Variants in ADGRB2 observed in about 807,000 individuals in gnomAD.
ADGRB2 encodes the protein brain-specific angiogenesis inhibitor 2.
In ADGRB2, 47 loss-of-function variants were observed where a neutral mutation model predicts 178.7. The observed-to-expected ratio is 0.26, with a 90% CI of 0.21 to 0.34. The LOEUF is 0.34. ADGRB2 is among the 10% of genes least tolerant of loss of function. The pLI, the probability that ADGRB2 is intolerant of heterozygous loss-of-function variation, is 1.00. For missense variants in ADGRB2, 1,584 were observed against 2,180.8 expected (o/e 0.73, Z 5.45); for synonymous variants, 870 against 912.4 (o/e 0.95, Z 0.84).
intron 1 of ADGRB2, chr1:31,760,870 TG>T (rs1327330438): frequency 6.6e-6 from 1 of 152,260 alleles, no homozygotes; most frequent in Non-Finnish European, 1.5e-5. Context: ...AGCTGGGGAC[TG>T]GGCCGAGGGG....
In ADGRB2 at chr1:31,756,743, C is replaced by A; in HGVS notation, c.94G>T (p.Ala32Ser). Residue 32 changes from alanine (A) to serine (S), a missense_variant, in exon 4 of 33, where the codon GCC (alanine) becomes TCC (serine). This residue lies in a region of ADGRB2 where 657 missense variants were observed against 847.6 expected (regional missense o/e 0.78). Coordinates refer to ENST00000373658, the MANE Select transcript of ADGRB2 (RefSeq NM_001364857.2). The surrounding 1 kb of genome is among the most constrained non-coding windows in gnomAD (Gnocchi z 8.5). ...CAGGCACTGGGGGCGGGGTCGAAGGCGGTGGCCAGGCGCAGGGACAGAATC... is the reference window on the plus strand; with the variant it reads ...CAGGCACTGGGGGCGGGGTCGAAGGAGGTGGCCAGGCGCAGGGACAGAATC... ...SVILSLRLATAFDPAPSACSA... is the reference protein window; with the variant it reads ...SVILSLRLATSFDPAPSACSA... The A allele has an allele frequency of 6.4e-7, 1 of 1,568,666 alleles. No homozygotes were observed. The highest frequency in any genetic ancestry group is 8.6e-7 in the Non-Finnish European group (1 of 1,158,208).
Position 31,744,280 on chromosome 1 carries a change from G to C in ADGRB2, c.1000C>G (p.Arg334Gly). ...CCATAGGGGGAGGACACACAGGAGC[G>C]GGTCCGCACCTGCAGACCCTGCCCA... ...TCGQGLQVRT[R>G]SCVSSPYGTL... The change falls in exon 6 of 33, where the codon CGC becomes GGC. Residue 334 changes from arginine to glycine, a missense_variant. Coordinates refer to ENST00000373658, the MANE Select transcript of ADGRB2 (RefSeq NM_001364857.2). This position sits in a 1 kb window ranked among gnomAD's most constrained non-coding sequence, Gnocchi z 6.7. 1.3e-6 allele frequency: 2 copies of C among 1,551,320 alleles called. No homozygotes were observed. Among genetic ancestry groups the C allele is most frequent in the Non-Finnish European group, 8.7e-7 (1 of 1,146,866 alleles).
At position 31,756,729 on chromosome 1, in the gene ADGRB2, G is replaced by T. The variant is rs1431421641; in HGVS notation, c.108C>A (p.Ala36=). The part of the protein sequence containing the change: ...SLRLATAFDP[A]PSACSALASG... ...AGGCCAGGGCAGAGCAGGCACTGGG[G>T]GCGGGGTCGAAGGCGGTGGCCAGGC... The change falls in exon 4 of 33, where the codon GCC becomes GCA. Residue 36 remains alanine (A), a synonymous_variant. Transcript: ENST00000373658. This position sits in a 1 kb window ranked among gnomAD's most constrained non-coding sequence, Gnocchi z 8.5. The T allele has an allele frequency of 6.3e-7, 1 of 1,585,584 alleles. No individual in the cohort carries two copies. Among genetic ancestry groups the T allele is most frequent in the East Asian group, 2.3e-5 (1 of 44,178 alleles).
In ADGRB2 at chr1:31,731,274, G is replaced by T. The variant is rs1645269090; in HGVS notation, c.3906C>A (p.Ile1302=). The part of the protein sequence containing the change: ...SLSFSPLPGN[I]LVPMAASPGL... The stretch of plus-strand genomic sequence containing the variant: ...CTGGTGAGGCTGCCATGGGCACCAG[G>T]ATATTCCCAGGCAGTGGTGAGAAGC... The change falls in exon 29 of 33, where the codon ATC becomes ATA. Residue 1302 remains isoleucine, a synonymous_variant. Transcript: ENST00000373658. The T allele has an allele frequency of 6.2e-7, 1 of 1,611,150 alleles. No homozygotes were observed. Among genetic ancestry groups the T allele is most frequent in the African/African-American group, 1.3e-5 (1 of 75,032 alleles).
Position 31,740,336 on chromosome 1 carries a change from C to T in ADGRB2, c.1989+11G>A, listed in dbSNP as rs761757712. Reference sequence around the variant, plus strand: ...TCTCCACCCTCCGCCCTCCTTCCTCCTAGGCAGTACCTGCACATCATCAGC... The same window carrying T: ...TCTCCACCCTCCGCCCTCCTTCCTCTTAGGCAGTACCTGCACATCATCAGC... On this transcript the variant is annotated intron_variant, in intron 12 of 32. Transcript: ENST00000373658. The surrounding 1 kb of genome is among the most constrained non-coding windows in gnomAD (Gnocchi z 5.9). 37 of 1,609,516 alleles carry T rather than the reference C, an allele frequency of 2.3e-5. No homozygotes were observed. The highest frequency in any genetic ancestry group is 3.1e-5 in the Non-Finnish European group (37 of 1,177,138).
chr1:31,743,279 G>A (rs1646085421), intron 6 of ADGRB2, among the ~76,000 whole-genome samples: 1 of 152,046 alleles, frequency 6.6e-6, no homozygotes, highest in Non-Finnish European at 1.5e-5. Flanking sequence ...AGGGGAACCA[G>A]GGGTCCTCCT....
rs1358319347 is a variant in ADGRB2 at position 31,754,467 on chromosome 1, C to G, written c.838+1532G>C. On this transcript the variant is annotated intron_variant, in intron 4 of 32. Coordinates refer to ENST00000373658, the MANE Select transcript of ADGRB2 (RefSeq NM_001364857.2). The surrounding 1 kb of genome is among the most constrained non-coding windows in gnomAD (Gnocchi z 5.7). ...GAAGAGCCATAAGCCTCCTGATATACGCCTGGCGTTCTCCGCCGATGTTCA... is the reference window on the plus strand; with the variant it reads ...GAAGAGCCATAAGCCTCCTGATATAGGCCTGGCGTTCTCCGCCGATGTTCA... 2.6e-5 allele frequency among the ~76,000 whole-genome samples: 4 copies of G among 152,266 alleles called. No homozygotes were observed. The highest frequency in any genetic ancestry group is 5.9e-5 in the Non-Finnish European group (4 of 68,046).
chr1:31,760,357 C>G (rs1207670183), intron 1 of ADGRB2, among the ~76,000 whole-genome samples: 5 of 152,134 alleles, frequency 3.3e-5, no homozygotes, highest in African/African-American at 1.2e-4. Flanking sequence ...TGCCCCTGAC[C>G]CCAGCAAACC....
chr1:31,740,016 G>A lies in ADGRB2; in HGVS notation c.2077C>T (p.His693Tyr). 2 of 1,614,206 alleles carry A rather than the reference G, an allele frequency of 1.2e-6. No individual in the cohort carries two copies. The highest frequency in any genetic ancestry group is 1.1e-5 in the South Asian group (1 of 91,084). ...DAQQVSPGSV[H>Y]LLRVVEDFIH... The stretch of plus-strand genomic sequence containing the variant: ...AAGTCCTCCACGACACGGAGCAGGT[G>A]CACAGAGCCAGGGGACACCTGGGGA... Residue 693 changes from histidine (H) to tyrosine (Y), a missense_variant, in exon 14 of 33, where the codon CAC becomes TAC. Transcript: ENST00000373658. This position sits in a 1 kb window ranked among gnomAD's most constrained non-coding sequence, Gnocchi z 5.9.
At chr1:31,742,469 CACTT>C (rs1460678543) in intron 7 of ADGRB2, among the ~76,000 whole-genome samples, 1 of 152,236 alleles carries the variant, frequency 6.6e-6, no homozygotes, top group Non-Finnish European at 1.5e-5. Context: ...AGGCACAACT[CACTT>C]CTGGCTAAGG....
chr1:31,737,943 C>G (rs1391306608), intron 18 of ADGRB2, among the ~76,000 whole-genome samples, 188 bp from the exon 19 acceptor site: 1 of 152,140 alleles, frequency 6.6e-6, no homozygotes, highest in South Asian at 2.1e-4. Context: ...GCTCAGTCAC[C>G]TGCACTCTTC....
At chr1:31,732,728 A>G in intron 26 of ADGRB2, 116 bp from the exon 27 acceptor site, 1 of 1,272,670 alleles carries the variant, frequency 7.9e-7, no homozygotes, top group East Asian at 2.5e-5. Flanking sequence ...AACACATCCA[A>G]CCTTGGGGAA....
In ADGRB2 at chr1:31,759,396, G is replaced by C. The variant is rs573680153; in HGVS notation, c.-190-1885C>G. ...AGGATCCTCTGCGGGGTCTTCCTTT[G>C]CATGTCTGAAGCTGGATCTCCCTCC... On this transcript the variant is annotated intron_variant, in intron 1 of 32. Coordinates refer to ENST00000373658, the MANE Select transcript of ADGRB2 (RefSeq NM_001364857.2). The surrounding 1 kb of genome is among the most constrained non-coding windows in gnomAD (Gnocchi z 4.3). 1.3e-6 allele frequency: 1 copy of C among 779,518 alleles called. No individual in the cohort carries two copies. Among genetic ancestry groups the C allele is most frequent in the African/African-American group, 1.7e-5 (1 of 59,240 alleles). The allele number at this position is 779,518 out of a possible 1,614,324, so 48.3% of individuals were successfully genotyped here.
chr1:31,728,412 T>C lies in ADGRB2; in HGVS notation c.4417-132A>G, dbSNP rs1310944453. The C allele has an allele frequency of 1.0e-5, 13 of 1,300,064 alleles. No individual in the cohort carries two copies. The highest frequency in any genetic ancestry group is 1.8e-5 in the Admixed American group (1 of 55,542). 80.5% of individuals were successfully genotyped at this position (1,300,064 alleles called of 1,614,324 possible). ...GCCCCTCTGGGACAAGACCTAGTTC[T>C]CTCTTCACGTTGGTGCTATGGGCTT... is the stretch of plus-strand genomic sequence containing the variant. On this transcript the variant is annotated intron_variant, in intron 30 of 32. Transcript: ENST00000373658. This position sits in a 1 kb window ranked among gnomAD's most constrained non-coding sequence, Gnocchi z 6.7.
intron 25 of ADGRB2, among the ~76,000 whole-genome samples, chr1:31,734,965 C>T (rs1002639764): frequency 1.3e-5 from 2 of 152,084 alleles, no homozygotes; most frequent in Admixed American, 6.5e-5. Context: ...CAAGGGTGGG[C>T]GAAGGAACCG....
rs995127676 is a variant in ADGRB2, at chr1:31,754,284, G to A, written c.838+1715C>T. ...GGCTCTGTGCTCCACATGGCAGCCC[G>A]CCCAGATGGTGCCCGCCCATGAGGG... is the stretch of plus-strand genomic sequence containing the variant. On this transcript the variant is annotated intron_variant, in intron 4 of 32. Transcript: ENST00000373658. This position sits in a 1 kb window ranked among gnomAD's most constrained non-coding sequence, Gnocchi z 5.7. Among the ~76,000 whole-genome samples the A allele has an allele frequency of 1.3e-5, 2 of 152,210 alleles. No individual in the cohort carries two copies. Among genetic ancestry groups the A allele is most frequent in the Non-Finnish European group, 2.9e-5 (2 of 68,026 alleles).
At position 31,727,613 on chromosome 1, in the gene ADGRB2, G is replaced by A. The variant is rs755746388; in HGVS notation, c.4573-8C>T. 2.7e-6 allele frequency: 4 copies of A among 1,503,556 alleles called. No homozygotes were observed. Among genetic ancestry groups the A allele is most frequent in the Non-Finnish European group, 3.5e-6 (4 of 1,132,808 alleles). 93.1% of individuals were successfully genotyped at this position (1,503,556 alleles called of 1,614,324 possible). A position where few individuals can be genotyped will look rare whatever the true frequency, so the allele number is the denominator to read the frequency against. On this transcript the variant is annotated splice_region_variant and splice_polypyrimidine_tract_variant and intron_variant, in intron 32 of 32. Coordinates refer to ENST00000373658, the MANE Select transcript of ADGRB2 (RefSeq NM_001364857.2). The surrounding 1 kb of genome is among the most constrained non-coding windows in gnomAD (Gnocchi z 4.4). ...CCCAGGGCTGGGCTTATCCTGTGGA[G>A]GGAGCGGGAGGGGCCGTGGAGATGG...
In ADGRB2 at chr1:31,741,515, G is replaced by A; in HGVS notation, c.1688-36C>T. ...ATAGGACAGAGGTCTGGGCATGGGG[G>A]CCGAGCTCTCACCCACACTCCTCCG... On this transcript the variant is annotated intron_variant, in intron 10 of 32. Transcript: ENST00000373658. The surrounding 1 kb of genome is among the most constrained non-coding windows in gnomAD (Gnocchi z 6.5). 4 of 1,579,790 alleles carry A rather than the reference G, an allele frequency of 2.5e-6. No individual in the cohort carries two copies. In the South Asian group the frequency reaches 3.4e-5, roughly 14 times the overall value.
chr1:31,738,340 G>C lies in ADGRB2; in HGVS notation c.2646-14C>G, dbSNP rs186682337. The C allele has an allele frequency of 6.2e-7, 1 of 1,608,718 alleles. No individual in the cohort carries two copies. The highest frequency in any genetic ancestry group is 1.1e-5 in the South Asian group (1 of 91,016). On this transcript the variant is annotated splice_polypyrimidine_tract_variant and intron_variant, in intron 17 of 32. Coordinates refer to ENST00000373658, the MANE Select transcript of ADGRB2 (RefSeq NM_001364857.2). ...GAGCTGGCATCTCTTGGGTAGGGGA[G>C]AGATTCAGTGAGCCCCAGGCCAGCT...
Sources: allele counts gnomAD v4.1 joint callset (sites outside exome capture counted in the v4.1 genomes callset), GRCh38; gene constraint gnomAD v4.1.1; regional missense constraint gnomAD v4.1.1; non-coding constraint Gnocchi (gnomAD v3.1); transcripts MANE v1.5; gene names NCBI Gene and HGNC (gene_info 2026-07-23, HGNC 2026-07-21).